AMER3: variants seen among roughly 807,000 people sequenced by gnomAD.
AMER3 encodes the protein APC membrane recruitment protein 3, also known as family with sequence similarity 123C.
For synonymous variants in AMER3, 541 were observed against 485.5 expected (o/e 1.11, Z -1.50); for missense variants, 1,201 against 1,139.4 (o/e 1.05, Z -0.78).
Position 130,766,745 on chromosome 2 carries a change from T to G in AMER3, c.*2087T>G, listed in dbSNP as rs540349893. ...TCAAAATCTCCTCAACTAAAATGTC[T>G]CAAAATCTCAGCCTCCCACAGTGCT... On this transcript the variant is annotated 3_prime_UTR_variant, in exon 2 of 2. Coordinates refer to ENST00000321420, the MANE Select transcript of AMER3 (RefSeq NM_152698.3). The G allele has an allele frequency of 3.6e-5, 6 of 165,114 alleles. No individual in the cohort carries two copies. The East Asian group carries it at 1.2e-3, about 32-fold the overall frequency. 10.2% of individuals were successfully genotyped at this position (165,114 alleles called of 1,614,324 possible).
Position 130,765,438 on chromosome 2 carries a change from C to T in AMER3, c.*780C>T, listed in dbSNP as rs1395597061. The T allele has an allele frequency of 1.2e-5, 2 of 166,984 alleles. No homozygotes were observed. Among genetic ancestry groups the T allele is most frequent in the South Asian group, 2.1e-4 (1 of 4,828 alleles). The allele number at this position is 166,984 out of a possible 1,614,324, so 10.3% of individuals were successfully genotyped here. A position where few individuals can be genotyped will look rare whatever the true frequency, so the allele number is the denominator to read the frequency against. ...ATGACCAACAACCTAAGTCTTTTGA[C>T]GAAGTCAATCTATGATGCGTCACCA... is the stretch of plus-strand genomic sequence containing the variant. On this transcript the variant is annotated 3_prime_UTR_variant, in exon 2 of 2. Transcript: ENST00000321420.
Position 130,764,415 on chromosome 2 carries a change from T to C in AMER3, c.2343T>C (p.Ala781=). The change falls in exon 2 of 2, where the codon GCT becomes GCC. Residue 781 remains alanine (A), a synonymous_variant. Coordinates refer to ENST00000321420, the MANE Select transcript of AMER3 (RefSeq NM_152698.3). ...EDQPLQLSTE[A]VEQVAHGSQL... ...AGCCCTTGCAGCTCAGCACAGAGGC[T>C]GTGGAGCAGGTGGCACACGGCAGCC... The C allele has an allele frequency of 1.2e-6, 2 of 1,611,348 alleles. No individual in the cohort carries two copies. The highest frequency in any genetic ancestry group is 1.7e-6 in the Non-Finnish European group (2 of 1,179,202).
Position 130,762,402 on chromosome 2 carries a change from G to T in AMER3, c.330G>T (p.Gln110His), listed in dbSNP as rs369083089. 3.8e-4 allele frequency: 610 copies of T among 1,612,256 alleles called. 3 individuals are homozygous for T. The highest frequency in any genetic ancestry group is 2.3e-3 in the South Asian group (208 of 91,026). Reference protein sequence around the residue: ...GAGRATAATGQLVGSASFPGS... With the variant: ...GAGRATAATGHLVGSASFPGS... The stretch of plus-strand genomic sequence containing the variant: ...GCAGGGCCACGGCTGCCACAGGGCA[G>T]CTGGTGGGCAGTGCAAGCTTCCCGG... Residue 110 changes from glutamine (Q) to histidine (H), a missense_variant, in exon 2 of 2, where the codon CAG becomes CAT. Physicochemically the swap from Gln to His is conservative, Grantham distance 24 (BLOSUM62 0). Transcript: ENST00000321420.
chr2:130,764,940 G>A lies in AMER3; in HGVS notation c.*282G>A. The A allele has an allele frequency of 2.4e-6, 1 of 414,832 alleles. No homozygotes were observed. The allele number at this position is 414,832 out of a possible 1,614,324, so 25.7% of individuals were successfully genotyped here. A position where few individuals can be genotyped will look rare whatever the true frequency, so the allele number is the denominator to read the frequency against. On this transcript the variant is annotated 3_prime_UTR_variant, in exon 2 of 2. Coordinates refer to ENST00000321420, the MANE Select transcript of AMER3 (RefSeq NM_152698.3). Reference sequence around the variant, plus strand: ...GGGGCTAGGGCTTGAAACTGAGGGGGAGAAAGAGCTGCACATTGTAAATGG... The same window carrying A: ...GGGGCTAGGGCTTGAAACTGAGGGGAAGAAAGAGCTGCACATTGTAAATGG...
At position 130,764,277 on chromosome 2, in the gene AMER3, C is replaced by T. The variant is rs775089648; in HGVS notation, c.2205C>T (p.Pro735=). The T allele has an allele frequency of 1.9e-6, 3 of 1,609,296 alleles. No individual in the cohort carries two copies. Among genetic ancestry groups the T allele is most frequent in the Non-Finnish European group, 2.5e-6 (3 of 1,177,516 alleles). Residue 735 remains proline, a synonymous_variant, in exon 2 of 2, where the codon CCC becomes CCT. Coordinates refer to ENST00000321420, the MANE Select transcript of AMER3 (RefSeq NM_152698.3). ...GCATGACCACCATCCATGGCCTACC[C>T]TACTCAGCCAGCACACAGGACCAGA... The part of the protein sequence containing the change: ...SPSMTTIHGL[P]YSASTQDQRC...
Position 130,763,648 on chromosome 2 carries a change from C to G in AMER3, c.1576C>G (p.Gln526Glu). Residue 526 changes from glutamine (Q) to glutamate (E), a missense_variant, in exon 2 of 2, where the codon CAG (glutamine) becomes GAG (glutamate). Physicochemically the swap from Gln to Glu is conservative, Grantham distance 29. Coordinates refer to ENST00000321420, the MANE Select transcript of AMER3 (RefSeq NM_152698.3). ...PTPRAPPTPG[Q>E]PAAPPGSQGA... ...GCCCCGTGCCCCACCCACCCCTGGG[C>G]AGCCTGCAGCTCCACCTGGTTCCCA... 7.8e-6 allele frequency: 12 copies of G among 1,529,084 alleles called. No individual in the cohort carries two copies. The highest frequency in any genetic ancestry group is 1.1e-5 in the Non-Finnish European group (12 of 1,139,140). The allele number at this position is 1,529,084 out of a possible 1,614,324, so 94.7% of individuals were successfully genotyped here.
chr2:130,762,982 T>A lies in AMER3; in HGVS notation c.910T>A (p.Ser304Thr). Residue 304 changes from serine (S) to threonine (T), a missense_variant, in exon 2 of 2, where the codon TCT (serine) becomes ACT (threonine). Transcript: ENST00000321420. ...QLASPAQNEA[S>T]DFTRFWDSVN... Reference sequence around the variant, plus strand: ...GGCCTCGCCCGCCCAGAATGAAGCCTCTGACTTCACCAGGTTCTGGGACAG... The same window carrying A: ...GGCCTCGCCCGCCCAGAATGAAGCCACTGACTTCACCAGGTTCTGGGACAG... 6.2e-7 allele frequency: 1 copy of A among 1,613,212 alleles called. No individual in the cohort carries two copies. The highest frequency in any genetic ancestry group is 8.5e-7 in the Non-Finnish European group (1 of 1,179,974).
At position 130,762,373 on chromosome 2, in the gene AMER3, G is replaced by A. The variant is rs1678809349; in HGVS notation, c.301G>A (p.Ala101Thr). 6.2e-7 allele frequency: 1 copy of A among 1,611,826 alleles called. No homozygotes were observed. Among genetic ancestry groups the A allele is most frequent in the Non-Finnish European group, 8.5e-7 (1 of 1,179,730 alleles). ...CAAGACTCACGACAGCATGTCTGGG[G>A]CAGGCAGGGCCACGGCTGCCACAGG... The part of the protein sequence containing the change: ...KCKTHDSMSG[A>T]GRATAATGQL... Residue 101 changes from alanine to threonine, a missense_variant, in exon 2 of 2, where the codon GCA becomes ACA. Transcript: ENST00000321420.
At chr2:130,762,011 C>T in intron 1 of AMER3, 43 bp from the exon 2 acceptor site, 1 of 1,544,816 alleles carries the variant, frequency 6.5e-7, no homozygotes, top group Middle Eastern at 1.7e-4. Flanking sequence ...AGCCCAGGGC[C>T]CTCCCGTCTA....
Position 130,764,137 on chromosome 2 carries a change from G to A in AMER3, c.2065G>A (p.Glu689Lys), listed in dbSNP as rs138135868. ...GGCAGCCCTGAAGATCAGCTCAAACGAACAGCCCCCGGCCGCATGGCCTCC... is the reference window on the plus strand; with the variant it reads ...GGCAGCCCTGAAGATCAGCTCAAACAAACAGCCCCCGGCCGCATGGCCTCC... ...RVAALKISSN[E>K]QPPAAWPPRQ... The change falls in exon 2 of 2, where the codon GAA becomes AAA. Residue 689 changes from glutamate (E) to lysine (K), a missense_variant. Glu to Lys is a moderately conservative substitution (Grantham distance 56, BLOSUM62 1). Coordinates refer to ENST00000321420, the MANE Select transcript of AMER3 (RefSeq NM_152698.3). 1.7e-4 allele frequency: 281 copies of A among 1,611,854 alleles called. No homozygotes were observed. In the African/African-American group the frequency reaches 3.1e-3, roughly 18 times the overall value.
chr2:130,761,970 C>A, intron 1 of AMER3, 84 bp from the exon 2 acceptor site: 2 of 1,271,060 alleles, frequency 1.6e-6, no homozygotes, highest in Non-Finnish European at 2.2e-6. Context: ...AGAGAGTGAG[C>A]TGTGTGAGAG....
At position 130,760,214 on chromosome 2, in the gene AMER3, C is replaced by A. The variant is rs183354493; in HGVS notation, c.-19-1840C>A. On this transcript the variant is annotated intron_variant, in intron 1 of 1. Coordinates refer to ENST00000321420, the MANE Select transcript of AMER3 (RefSeq NM_152698.3). ...GGCTCTCCTGGCATGGTGCCTACTTCTTCTCATCCTCCAACCAAAAGTCTG... is the reference window on the plus strand; with the variant it reads ...GGCTCTCCTGGCATGGTGCCTACTTATTCTCATCCTCCAACCAAAAGTCTG... Among the ~76,000 whole-genome samples, 175 of 152,326 alleles carry A rather than the reference C, an allele frequency of 1.1e-3. 2 individuals carry two copies. The highest frequency in any genetic ancestry group is 4.1e-3 in the African/African-American group (169 of 41,570).
In AMER3 at chr2:130,762,461, G is replaced by A. The variant is rs141992347; in HGVS notation, c.389G>A (p.Arg130His). ...GGCAGCCGGCGCATGATCGACTACC[G>A]CCACTTTGTGCCCCAGATGCCCTTT... ...SPGSRRMIDY[R>H]HFVPQMPFVP... Residue 130 changes from arginine to histidine, a missense_variant, in exon 2 of 2, where the codon CGC (arginine) becomes CAC (histidine). Coordinates refer to ENST00000321420, the MANE Select transcript of AMER3 (RefSeq NM_152698.3). 96 of 1,613,068 alleles carry A rather than the reference G, an allele frequency of 6.0e-5. No individual in the cohort carries two copies. The East Asian group carries it at 1.9e-3, about 32-fold the overall frequency.
intron 1 of AMER3, among the ~76,000 whole-genome samples, chr2:130,757,041 C>T (rs544047503): frequency 1.3e-5 from 2 of 152,256 alleles, no homozygotes; most frequent in South Asian, 4.2e-4. Context: ...AATACCAAAA[C>T]TATTAGCCAA....
Position 130,765,028 on chromosome 2 carries a change from T to C in AMER3, c.*370T>C. ...GAATCCCAAAAGACGCAATCCCAAA[T>C]GCCATAGTCCCAAGTGTTGAGAATC... is the stretch of plus-strand genomic sequence containing the variant. On this transcript the variant is annotated 3_prime_UTR_variant, in exon 2 of 2. Coordinates refer to ENST00000321420, the MANE Select transcript of AMER3 (RefSeq NM_152698.3). 4.9e-6 allele frequency: 1 copy of C among 202,146 alleles called. No individual in the cohort carries two copies. The highest frequency in any genetic ancestry group is 1.1e-5 in the Non-Finnish European group (1 of 90,670). 12.5% of individuals were successfully genotyped at this position (202,146 alleles called of 1,614,324 possible).
At chr2:130,757,698 G>A (rs1468677092) in intron 1 of AMER3, among the ~76,000 whole-genome samples, 1 of 152,178 alleles carries the variant, frequency 6.6e-6, no homozygotes, top group Admixed American at 6.5e-5. Flanking sequence ...TGTCTTTTAA[G>A]TTTGGTTTAA....
At position 130,764,767 on chromosome 2, in the gene AMER3, G is replaced by A. The variant is rs1177219094; in HGVS notation, c.*109G>A. 11 of 1,335,198 alleles carry A rather than the reference G, an allele frequency of 8.2e-6. No homozygotes were observed. In the South Asian group the frequency reaches 1.2e-4, roughly 15 times the overall value. The allele number at this position is 1,335,198 out of a possible 1,614,324, so 82.7% of individuals were successfully genotyped here. A position where few individuals can be genotyped will look rare whatever the true frequency, so the allele number is the denominator to read the frequency against. ...CCCTGATGTGGGGACTGTGTTGGGG[G>A]TGGGGGGTGGCAGGACTCAGGCATG... On this transcript the variant is annotated 3_prime_UTR_variant, in exon 2 of 2. Coordinates refer to ENST00000321420, the MANE Select transcript of AMER3 (RefSeq NM_152698.3).
chr2:130,760,891 G>A lies in AMER3; in HGVS notation c.-19-1163G>A, dbSNP rs557238186. ...CATTTCCCTCCTCGAGCTGTCCCAC[G>A]CTGTTGGTGTAGATCCAAGCCTTGG... On this transcript the variant is annotated intron_variant, in intron 1 of 1. Coordinates refer to ENST00000321420, the MANE Select transcript of AMER3 (RefSeq NM_152698.3). 9.2e-5 allele frequency among the ~76,000 whole-genome samples: 14 copies of A among 152,108 alleles called. No homozygotes were observed. The South Asian group carries it at 2.3e-3, about 25-fold the overall frequency.
intron 1 of AMER3, among the ~76,000 whole-genome samples, chr2:130,756,091 G>A (rs980304783): frequency 6.6e-6 from 1 of 151,028 alleles, no homozygotes. Flanking sequence ...GCGGCGCAGG[G>A]AGGCGGCAGC....
Sources: allele counts gnomAD v4.1 joint callset (sites outside exome capture counted in the v4.1 genomes callset), GRCh38; gene constraint gnomAD v4.1.1; transcripts MANE v1.5; gene names NCBI Gene and HGNC (gene_info 2026-07-23, HGNC 2026-07-21).